The following CS variants were observed in gnomAD, a reference collection of about 807,000 sequenced individuals.
The protein encoded by CS is citrate synthase, mitochondrial.
A neutral mutation model predicts 61.4 loss-of-function variants in CS; 13 were observed. The observed-to-expected ratio is 0.21, with a 90% CI of 0.14 to 0.34. The LOEUF (loss-of-function observed/expected upper bound fraction) is 0.34. Ranked by LOEUF, CS falls within the 10% of genes least tolerant of loss-of-function variation. CS has a pLI of 1.00. For synonymous variants in CS, 159 were observed against 215.2 expected (o/e 0.74, Z 2.29); for missense variants, 278 against 573.4 (o/e 0.48, Z 5.26).
chr12:56,289,006 G>A (rs1873031347), intron 1 of CS, among the ~76,000 whole-genome samples: 1 of 152,054 alleles, frequency 6.6e-6, no homozygotes, highest in Admixed American at 6.6e-5. Context: ...TAAATTCAGA[G>A]AGCATAGACC....
chr12:56,282,286 A>G (rs1872798427), intron 6 of CS, 134 bp downstream of exon 6: 7 of 687,870 alleles, frequency 1.0e-5, no homozygotes, highest in African/African-American at 1.9e-5. Context: ...CAAGCCTCCA[A>G]TGAAAATCTG....
intron 6 of CS, among the ~76,000 whole-genome samples, chr12:56,278,124 T>C (rs1048631816): frequency 6.6e-6 from 1 of 152,144 alleles, no homozygotes; most frequent in Non-Finnish European, 1.5e-5. Flanking sequence ...GCTTACATTA[T>C]TAACTCATGC....
intron 1 of CS, among the ~76,000 whole-genome samples, chr12:56,289,570 A>G (rs1873050391): frequency 6.6e-6 from 1 of 151,882 alleles, no homozygotes; most frequent in Admixed American, 6.6e-5. Context: ...CAGGCTCCCA[A>G]GTAGCTGGGA....
At chr12:56,297,708 C>CA (rs1197512549) in intron 1 of CS, among the ~76,000 whole-genome samples, 5 of 151,230 alleles carry the variant, frequency 3.3e-5, no homozygotes, top group Admixed American at 6.6e-5. Context: ...TGTCTCAAAA[C>CA]AAAAAAAAAT....
intron 1 of CS, among the ~76,000 whole-genome samples, chr12:56,288,205 A>C (rs1387901278): frequency 6.6e-6 from 1 of 152,178 alleles, no homozygotes; most frequent in Non-Finnish European, 1.5e-5. Flanking sequence ...ACAGAAATAA[A>C]CTAATCCTGG....
chr12:56,292,777 G>A (rs1381552625), intron 1 of CS, among the ~76,000 whole-genome samples: 1 of 150,096 alleles, frequency 6.7e-6, no homozygotes. Flanking sequence ...CATGGCGGGC[G>A]CCTGTAGTCC....
chr12:56,293,486 G>A (rs1186493442), intron 1 of CS, among the ~76,000 whole-genome samples: 1 of 152,206 alleles, frequency 6.6e-6, no homozygotes, highest in Non-Finnish European at 1.5e-5. Flanking sequence ...GGAGGCCAAG[G>A]TGGGTGGATC....
chr12:56,280,437 A>AAAAAAAC (rs1555162647), intron 6 of CS, among the ~76,000 whole-genome samples: 2 of 144,190 alleles, frequency 1.4e-5, no homozygotes, highest in Non-Finnish European at 3.1e-5. Flanking sequence ...AAAAAAAAAA[A>AAAAAAAC]CAAAAAAATT....
intron 6 of CS, among the ~76,000 whole-genome samples, chr12:56,279,152 C>T (rs868803710): frequency 6.6e-6 from 1 of 152,234 alleles, no homozygotes; most frequent in South Asian, 2.1e-4. Context: ...CACAATTAAA[C>T]AGCTGGTTGC....
At chr12:56,282,692 G>C in intron 5 of CS, 84 bp from the exon 6 acceptor site, 1 of 1,525,240 alleles carries the variant, frequency 6.6e-7, no homozygotes, top group East Asian at 2.3e-5. Context: ...TCTGAGTAAA[G>C]AAAACCCAAG....
intron 1 of CS, 72 bp downstream of exon 1, chr12:56,300,088 C>CCCGG: frequency 2.0e-6 from 3 of 1,480,842 alleles, no homozygotes. Context: ...GGAGGGAGAC[C>CCCGG]CCGGCGCCGG....
At chr12:56,277,724 G>A (rs113618105) in intron 6 of CS, among the ~76,000 whole-genome samples, 6 of 147,594 alleles carry the variant, frequency 4.1e-5, no homozygotes, top group East Asian at 2.1e-4. Context: ...TCCGCCTCCC[G>A]GGTTCACGCC....
chr12:56,276,113 C>T lies in CS; in HGVS notation c.671G>A (p.Gly224Asp), dbSNP rs377478512. The T allele has an allele frequency of 6.2e-7, 1 of 1,614,138 alleles. No individual in the cohort carries two copies. The highest frequency in any genetic ancestry group is 8.5e-7 in the Non-Finnish European group (1 of 1,180,030). ...AGAGTCAATGGCCCCAATACCGCTGCCTTCTCTGTAGAGATTTCGGTAGAT... is the reference window on the plus strand; with the variant it reads ...AGAGTCAATGGCCCCAATACCGCTGTCTTCTCTGTAGAGATTTCGGTAGAT... Reference protein sequence around the residue: ...AKIYRNLYREGSGIGAIDSNL... With the variant: ...AKIYRNLYREDSGIGAIDSNL... The change falls in exon 7 of 11, where the codon GGC (glycine) becomes GAC (aspartate). Residue 224 changes from glycine to aspartate, a missense_variant. Coordinates refer to ENST00000351328, the MANE Select transcript of CS (RefSeq NM_004077.3).
Position 56,297,572 on chromosome 12 carries a change from G to A in CS, c.42+2588C>T, listed in dbSNP as rs774536700. On this transcript the variant is annotated intron_variant, in intron 1 of 10. Transcript: ENST00000351328. Reference sequence around the variant, plus strand: ...CAAAAAATTAGCTGGGCGTGGTGGTGCACACCTGCTAACCCCAGCTACTCA... The same window carrying A: ...CAAAAAATTAGCTGGGCGTGGTGGTACACACCTGCTAACCCCAGCTACTCA... Among the ~76,000 whole-genome samples the A allele has an allele frequency of 3.9e-4, 59 of 152,268 alleles. 1 individual carries two copies. Among genetic ancestry groups the A allele is most frequent in the Middle Eastern group, 3.4e-3 (1 of 294 alleles).
intron 1 of CS, among the ~76,000 whole-genome samples, chr12:56,287,732 G>A (rs1052282989): frequency 9.9e-5 from 15 of 151,680 alleles, no homozygotes; most frequent in Admixed American, 2.0e-4. Flanking sequence ...TCAGCTCACC[G>A]CAACCTCAGC....
At chr12:56,273,458 A>G in intron 10 of CS, 129 bp downstream of exon 10, 1 of 1,059,044 alleles carries the variant, frequency 9.4e-7, no homozygotes, top group East Asian at 2.6e-5. Context: ...ACCCTCTCAT[A>G]GTCAACTTTA....
At chr12:56,286,092 G>T in intron 2 of CS, 69 bp from the exon 3 acceptor site, 1 of 1,384,450 alleles carries the variant, frequency 7.2e-7, no homozygotes, top group Non-Finnish European at 1.0e-6. Context: ...AAGTAGGTGT[G>T]TCAAGAATTT....
At chr12:56,293,401 C>A (rs1873194683) in intron 1 of CS, among the ~76,000 whole-genome samples, 1 of 152,154 alleles carries the variant, frequency 6.6e-6, no homozygotes, top group Non-Finnish European at 1.5e-5. Flanking sequence ...AAGACTCTGT[C>A]TCTACAAAAA....
chr12:56,285,054 C>G (rs1872901514), intron 3 of CS: 1 of 178,498 alleles, frequency 5.6e-6, no homozygotes, highest in African/African-American at 2.4e-5. Flanking sequence ...AAGTGATTCT[C>G]CTGCCTCAGG....
Sources: gnomAD v4.1 joint callset for allele counts (sites outside exome capture counted in the v4.1 genomes callset) on GRCh38, gnomAD v4.1.1 for gene constraint, MANE v1.5 for transcripts, NCBI Gene and HGNC (gene_info 2026-07-23, HGNC 2026-07-21) for gene names.